THEMIS: variants seen among roughly 807,000 people sequenced by gnomAD.
The protein encoded by THEMIS is protein THEMIS.
THEMIS carries 37 observed loss-of-function variants against 52.6 expected under a neutral mutation model. The ratio of observed to expected loss-of-function variants is 0.70; its 90% confidence interval spans 0.54 to 0.93. The LOEUF is 0.93. Ranked by LOEUF, THEMIS falls within the 40% of genes least tolerant of loss-of-function variation. THEMIS has a pLI of 0.00. For missense variants in THEMIS, 808 were observed against 763.1 expected (o/e 1.06, Z -0.69); for synonymous variants, 292 against 272.7 (o/e 1.07, Z -0.70).
intron 4 of THEMIS, among the ~76,000 whole-genome samples, chr6:127,804,345 C>T (rs914839715): frequency 5.9e-5 from 9 of 152,150 alleles, no homozygotes; most frequent in Non-Finnish European, 2.9e-5. Flanking sequence ...ACCATAAAAT[C>T]TGGCAACCTG....
chr6:127,875,434 C>T (rs1043830212), intron 1 of THEMIS, among the ~76,000 whole-genome samples: 4 of 152,142 alleles, frequency 2.6e-5, no homozygotes, highest in African/African-American at 9.7e-5. Context: ...GGGAAGTCAA[C>T]ATAGCAGGGA....
chr6:127,697,394 C>A, the THEMIS span, among the ~76,000 whole-genome samples: 21 of 152,174 alleles, frequency 1.4e-4, no homozygotes, highest in Non-Finnish European at 2.5e-4. Flanking sequence ...AGCCCCCTCA[C>A]TGATATTGCT....
intron 1 of THEMIS, among the ~76,000 whole-genome samples, chr6:127,913,966 G>A (rs1781465661): frequency 6.6e-6 from 1 of 151,852 alleles, no homozygotes; most frequent in Non-Finnish European, 1.5e-5. Flanking sequence ...GATATGCTTG[G>A]GACAAAAAAT....
At chr6:127,860,983 T>C (rs1266556487) in intron 1 of THEMIS, among the ~76,000 whole-genome samples, 2 of 152,196 alleles carry the variant, frequency 1.3e-5, no homozygotes, top group African/African-American at 2.4e-5. Flanking sequence ...AGGGTGTGTG[T>C]ATGAAATAAA....
At chr6:127,831,813 A>G (rs1431744877) in intron 2 of THEMIS, among the ~76,000 whole-genome samples, 1 of 152,132 alleles carries the variant, frequency 6.6e-6, no homozygotes. Flanking sequence ...AAAATAAGGG[A>G]AAGACACATT....
At chr6:127,798,853 G>A (rs984373519) in intron 4 of THEMIS, among the ~76,000 whole-genome samples, 12 of 151,636 alleles carry the variant, frequency 7.9e-5, no homozygotes, top group African/African-American at 2.4e-4. Flanking sequence ...TTAGCTGGGC[G>A]TGGTGGCGGG....
At chr6:127,810,943 G>A (rs270000) in intron 4 of THEMIS, among the ~76,000 whole-genome samples, 6,634 of 151,770 alleles carry the variant, frequency 0.044, 212 homozygotes, top group Non-Finnish European at 0.066. Flanking sequence ...AAACAACTTA[G>A]GCTGTTTTCA....
At chr6:127,886,738 A>C (rs1455754293) in intron 1 of THEMIS, among the ~76,000 whole-genome samples, 5 of 152,142 alleles carry the variant, frequency 3.3e-5, no homozygotes, top group African/African-American at 1.2e-4. Flanking sequence ...AAGAGATTTA[A>C]GCACTGTCCA....
intron 2 of THEMIS, among the ~76,000 whole-genome samples, chr6:127,844,021 A>T (rs1779133700): frequency 6.6e-6 from 1 of 152,022 alleles, no homozygotes; most frequent in Admixed American, 6.6e-5. Context: ...CAACCTCATA[A>T]ATTATGTGAG....
chr6:127,698,458 G>A, the THEMIS span, among the ~76,000 whole-genome samples: 711 of 151,972 alleles, frequency 4.7e-3, 4 homozygotes, highest in African/African-American at 0.016. Flanking sequence ...GCCCTCTTTC[G>A]TTAATATCCA....
chr6:127,799,651 T>C (rs1447448158), intron 4 of THEMIS, among the ~76,000 whole-genome samples: 1 of 152,018 alleles, frequency 6.6e-6, no homozygotes, highest in Non-Finnish European at 1.5e-5. Context: ...TGTTCACTAG[T>C]ACCCAGTTTC....
intron 4 of THEMIS, among the ~76,000 whole-genome samples, chr6:127,805,875 A>G (rs1350843825): frequency 6.6e-6 from 1 of 152,156 alleles, no homozygotes; most frequent in Non-Finnish European, 1.5e-5. Flanking sequence ...TGACAAATAT[A>G]GTAATGGAAA....
chr6:127,848,363 T>C (rs1174335086), intron 2 of THEMIS, among the ~76,000 whole-genome samples: 1 of 152,066 alleles, frequency 6.6e-6, no homozygotes, highest in Non-Finnish European at 1.5e-5. Context: ...TTTGCTCTTG[T>C]GAATAGTGCT....
intron 2 of THEMIS, among the ~76,000 whole-genome samples, chr6:127,851,082 T>A (rs372626237): frequency 6.6e-6 from 1 of 151,518 alleles, no homozygotes; most frequent in African/African-American, 2.4e-5. Context: ...GAAAATGCAA[T>A]TGAGATTATA....
chr6:127,700,602 G>T, the THEMIS span, among the ~76,000 whole-genome samples: 1 of 152,026 alleles, frequency 6.6e-6, no homozygotes, highest in Non-Finnish European at 1.5e-5. Flanking sequence ...TCTTTTATTA[G>T]CATGTGAGAT....
intron 1 of THEMIS, among the ~76,000 whole-genome samples, chr6:127,894,562 A>C (rs1780907193): frequency 6.6e-6 from 1 of 151,936 alleles, no homozygotes; most frequent in South Asian, 2.1e-4. Context: ...GCAAAGTATT[A>C]AACATGGCTG....
intron 4 of THEMIS, among the ~76,000 whole-genome samples, chr6:127,732,801 A>G (rs1774857392): frequency 6.6e-6 from 1 of 152,204 alleles, no homozygotes; most frequent in Non-Finnish European, 1.5e-5. Context: ...GCTGTTGTGA[A>G]TATTCCTGTT....
chr6:127,785,220 TTATCTATCTATCTATC>T lies in THEMIS; in HGVS notation c.1758+27647_1758+27662del, dbSNP rs71028106. ...TCTACCTACCTACCTATTATCTATC[TTATCTATCTATCTATC>T]TATCTATCTATCTATCATCTATCTA... is the stretch of plus-strand genomic sequence containing the variant. On this transcript the variant is annotated intron_variant, in intron 4 of 5. Coordinates refer to ENST00000368248, the MANE Select transcript of THEMIS (RefSeq NM_001010923.3). Among the ~76,000 whole-genome samples, 9 of 93,830 alleles carry T rather than the reference TTATCTATCTATCTATC, an allele frequency of 9.6e-5. No homozygotes were observed. The South Asian group carries it at 2.7e-3, about 28-fold the overall frequency. The allele number at this position is 93,830 out of a possible 152,430, so 61.6% of individuals were successfully genotyped here. A position where few individuals can be genotyped will look rare whatever the true frequency, so the allele number is the denominator to read the frequency against.
intron 4 of THEMIS, among the ~76,000 whole-genome samples, chr6:127,801,159 T>C (rs1777519197): frequency 6.6e-6 from 1 of 152,102 alleles, no homozygotes; most frequent in South Asian, 2.1e-4. Context: ...GGCAAGGAGT[T>C]TAGTGACTCT....
Sources: allele counts gnomAD v4.1 joint callset (sites outside exome capture counted in the v4.1 genomes callset), GRCh38; gene constraint gnomAD v4.1.1; transcripts MANE v1.5; gene names NCBI Gene and HGNC (gene_info 2026-07-23, HGNC 2026-07-21).